Variants in CMKLR1 observed in about 807,000 individuals in gnomAD.
CMKLR1 encodes chemerin chemokine-like receptor 1.
A neutral mutation model predicts 8.2 loss-of-function variants in CMKLR1; 6 were observed. That is an observed-to-expected ratio of 0.73 (90% CI 0.40 to 1.44). CMKLR1 has a LOEUF of 1.44. Ranked by LOEUF, CMKLR1 falls within the 40% of genes most tolerant of loss-of-function variation. The pLI is 0.02. For missense variants in CMKLR1, 429 were observed against 478.0 expected (o/e 0.90, Z 0.96); for synonymous variants, 178 against 181.2 (o/e 0.98, Z 0.14).
chr12:108,292,818 T>C lies in CMKLR1; in HGVS notation c.145A>G (p.Ile49Val), dbSNP rs1003939483. 6.8e-6 allele frequency: 11 copies of C among 1,614,176 alleles called. No individual in the cohort carries two copies. The highest frequency in any genetic ancestry group is 9.3e-6 in the Non-Finnish European group (11 of 1,180,024). Residue 49 changes from isoleucine to valine, a missense_variant, in exon 4 of 4, where the codon ATC becomes GTC. Physicochemically the swap from Ile to Val is conservative, Grantham distance 29 (BLOSUM62 3). Coordinates refer to ENST00000550402, the MANE Select transcript of CMKLR1 (RefSeq NM_001142343.2). ...CCCAGAATCCCGAGGAAGCAGACGA[T>C]GCTGTAGACCACCACCAGGAAGATC... ...TRIFLVVVYS[I>V]VCFLGILGNG...
chr12:108,301,100 G>T (rs1037251058), intron 2 of CMKLR1, among the ~76,000 whole-genome samples: 3 of 115,988 alleles, frequency 2.6e-5, no homozygotes, highest in South Asian at 3.0e-4. Flanking sequence ...TTTTTGAGAC[G>T]AAGTCTCACT....
intron 1 of CMKLR1, among the ~76,000 whole-genome samples, chr12:108,332,481 C>T (rs1892133274): frequency 6.6e-6 from 1 of 152,160 alleles, no homozygotes. Context: ...ACATTTGAGT[C>T]AGTGGGCTGG....
chr12:108,327,715 A>T (rs1353905431), intron 2 of CMKLR1, among the ~76,000 whole-genome samples: 1 of 152,216 alleles, frequency 6.6e-6, no homozygotes, highest in Non-Finnish European at 1.5e-5. Flanking sequence ...GGGAAGCAGG[A>T]CTGGGCAGCA....
intron 1 of CMKLR1, among the ~76,000 whole-genome samples, chr12:108,333,595 C>G (rs1566031726): frequency 6.6e-6 from 1 of 152,192 alleles, no homozygotes; most frequent in Non-Finnish European, 1.5e-5. Flanking sequence ...TTTAATCTCA[C>G]CATAACCCTG....
intron 2 of CMKLR1, among the ~76,000 whole-genome samples, chr12:108,300,021 G>A (rs1388747595): frequency 6.6e-6 from 1 of 152,238 alleles, no homozygotes; most frequent in Non-Finnish European, 1.5e-5. Context: ...TAGATAACAA[G>A]TTATCTGAGG....
chr12:108,320,052 T>A (rs576222576), intron 2 of CMKLR1, among the ~76,000 whole-genome samples: 2 of 152,080 alleles, frequency 1.3e-5, no homozygotes, highest in African/African-American at 4.8e-5. Context: ...CGGCATAGTA[T>A]CCATTCCAGC....
chr12:108,319,578 T>A (rs1891810655), intron 2 of CMKLR1, among the ~76,000 whole-genome samples: 2 of 152,128 alleles, frequency 1.3e-5, no homozygotes, highest in Admixed American at 1.3e-4. Flanking sequence ...AGTACATACC[T>A]CATAAATAAT....
chr12:108,305,308 T>C (rs142768942), intron 2 of CMKLR1, among the ~76,000 whole-genome samples: 28 of 152,262 alleles, frequency 1.8e-4, no homozygotes, highest in East Asian at 1.2e-3. Context: ...CTAGTCCAGA[T>C]TCACACAGCC....
At chr12:108,297,257 C>T (rs1407746270) in intron 2 of CMKLR1, among the ~76,000 whole-genome samples, 1 of 152,212 alleles carries the variant, frequency 6.6e-6, no homozygotes, top group Admixed American at 6.5e-5. Context: ...TATATTCTCT[C>T]TTCCTTATGA....
chr12:108,303,346 G>A (rs1566021077), intron 2 of CMKLR1, among the ~76,000 whole-genome samples: 1 of 152,218 alleles, frequency 6.6e-6, no homozygotes, highest in African/African-American at 2.4e-5. Context: ...GGGCCTCAAG[G>A]TCACATCTGG....
At chr12:108,319,621 G>A (rs184410232) in intron 2 of CMKLR1, among the ~76,000 whole-genome samples, 12 of 152,278 alleles carry the variant, frequency 7.9e-5, no homozygotes, top group Admixed American at 2.6e-4. Context: ...TAGGATATAA[G>A]AGAAGGAATA....
At chr12:108,313,265 C>T (rs1891631565) in intron 2 of CMKLR1, among the ~76,000 whole-genome samples, 1 of 151,960 alleles carries the variant, frequency 6.6e-6, no homozygotes, top group African/African-American at 2.4e-5. Flanking sequence ...TGCCCCCCAC[C>T]CTACCCCACC....
At chr12:108,327,393 T>C (rs1892003506) in intron 2 of CMKLR1, among the ~76,000 whole-genome samples, 1 of 152,150 alleles carries the variant, frequency 6.6e-6, no homozygotes, top group African/African-American at 2.4e-5. Flanking sequence ...AGCGGGAGGA[T>C]GGCTTGAGCC....
intron 2 of CMKLR1, among the ~76,000 whole-genome samples, chr12:108,297,093 G>A (rs908631784): frequency 3.3e-5 from 5 of 152,070 alleles, no homozygotes; most frequent in South Asian, 2.1e-4. Context: ...TTTTAACTGC[G>A]TGGGTCCACT....
chr12:108,302,686 G>A lies in CMKLR1; in HGVS notation c.-73-9022C>T, dbSNP rs375512267. 2.1e-3 allele frequency among the ~76,000 whole-genome samples: 314 copies of A among 152,304 alleles called. No individual in the cohort carries two copies. The Middle Eastern group carries it at 0.031, about 15-fold the overall frequency. On this transcript the variant is annotated intron_variant, in intron 2 of 3. Transcript: ENST00000550402. ...GGTCAGTTCAACAAAGAGCCACACA[G>A]GTGCTGGCTATCAGGACCCTAATAG... is the stretch of plus-strand genomic sequence containing the variant.
At chr12:108,308,890 A>G (rs1309021949) in intron 2 of CMKLR1, among the ~76,000 whole-genome samples, 1 of 152,210 alleles carries the variant, frequency 6.6e-6, no homozygotes, top group African/African-American at 2.4e-5. Context: ...AGCAGGGAAC[A>G]AACCAGACAC....
intron 2 of CMKLR1, among the ~76,000 whole-genome samples, chr12:108,326,518 A>G (rs1238982968): frequency 6.6e-6 from 1 of 152,222 alleles, no homozygotes; most frequent in Non-Finnish European, 1.5e-5. Context: ...GCCATGGAAG[A>G]TGAAGAGACA....
intron 1 of CMKLR1, among the ~76,000 whole-genome samples, chr12:108,338,400 A>C (rs1892280410): frequency 6.6e-6 from 1 of 152,224 alleles, no homozygotes; most frequent in African/African-American, 2.4e-5. Flanking sequence ...ATGCCTATTG[A>C]AGCATCTAGA....
chr12:108,335,964 T>G (rs1892211919), intron 1 of CMKLR1, among the ~76,000 whole-genome samples: 1 of 152,226 alleles, frequency 6.6e-6, no homozygotes, highest in African/African-American at 2.4e-5. Flanking sequence ...AGACAAAGTT[T>G]CGCTTCTTCT....
Sources: gnomAD v4.1 joint callset for allele counts (sites outside exome capture counted in the v4.1 genomes callset) on GRCh38, gnomAD v4.1.1 for gene constraint, MANE v1.5 for transcripts, NCBI Gene and HGNC (gene_info 2026-07-23, HGNC 2026-07-21) for gene names.